Variants in SPECC1L observed in about 807,000 individuals in gnomAD.
SPECC1L encodes cytospin-A.
In SPECC1L, 40 loss-of-function variants were observed where a neutral mutation model predicts 116.8. That is an observed-to-expected ratio of 0.34 (90% CI 0.27 to 0.45). SPECC1L has a LOEUF of 0.45. Among genes scored for constraint, SPECC1L ranks in the 20% least tolerant of loss-of-function variants. SPECC1L has a pLI of 1.00. For synonymous variants in SPECC1L, 504 were observed against 500.6 expected (o/e 1.01, Z -0.09); for missense variants, 1,110 against 1,373.6 (o/e 0.81, Z 3.03).
chr22:24,322,845 T>C lies in SPECC1L; in HGVS notation c.1865T>C (p.Leu622Ser). The C allele has an allele frequency of 6.2e-7, 1 of 1,611,914 alleles. No homozygotes were observed. Among genetic ancestry groups the C allele is most frequent in the Non-Finnish European group, 8.5e-7 (1 of 1,179,150 alleles). Residue 622 changes from leucine to serine, a missense_variant, in exon 5 of 17, where the codon TTG becomes TCG. Around this residue, in one of 4 missense-constraint regions of SPECC1L, gnomAD observed 575 missense variants for 682.4 expected, o/e 0.84. Coordinates refer to ENST00000314328, the MANE Select transcript of SPECC1L (RefSeq NM_015330.6). ...CTGGACAAAGAAAAAGCAGAGACTT[T>C]GGCTAGTAGCTTGCAGGAAGATCTG... is the stretch of plus-strand genomic sequence containing the variant. ...VRLDKEKAET[L>S]ASSLQEDLAH...
intron 1 of SPECC1L, among the ~76,000 whole-genome samples, 176 bp downstream of exon 1, chr22:24,271,159 C>T (rs888797656): frequency 6.6e-6 from 1 of 152,260 alleles, no homozygotes; most frequent in Non-Finnish European, 1.5e-5. Context: ...TCCCTTCCCG[C>T]GCCGTCCTCG....
chr22:24,343,186 T>G (rs780763027), intron 10 of SPECC1L, among the ~76,000 whole-genome samples: 1 of 152,082 alleles, frequency 6.6e-6, no homozygotes, highest in Non-Finnish European at 1.5e-5. Flanking sequence ...ACAGGGAGAC[T>G]CCATCTTAAA....
chr22:24,314,615 C>T (rs373785181), intron 4 of SPECC1L, among the ~76,000 whole-genome samples: 1 of 152,190 alleles, frequency 6.6e-6, no homozygotes, highest in African/African-American at 2.4e-5. Context: ...TTTGTGGAAG[C>T]TGGTCATATG....
chr22:24,351,975 CG>C (rs1205262143), intron 11 of SPECC1L, among the ~76,000 whole-genome samples: 1 of 150,048 alleles, frequency 6.7e-6, no homozygotes, highest in Non-Finnish European at 1.5e-5. Flanking sequence ...GGGAATAGAG[CG>C]AGACTCTGTC....
At position 24,330,701 on chromosome 22, in the gene SPECC1L, C is replaced by T. The variant is rs541226928; in HGVS notation, c.2396+270C>T. ...CACATGATTCTCCTTTCCCCCAGAC[C>T]CACAGTCCAGCCCTGTTAATTTTCT... On this transcript the variant is annotated intron_variant, in intron 8 of 16. Coordinates refer to ENST00000314328, the MANE Select transcript of SPECC1L (RefSeq NM_015330.6). Among the ~76,000 whole-genome samples the T allele has an allele frequency of 3.8e-4, 58 of 152,284 alleles. No homozygotes were observed. In the South Asian group the frequency reaches 3.9e-3, roughly 10 times the overall value.
intron 1 of SPECC1L, among the ~76,000 whole-genome samples, chr22:24,273,638 A>G (rs952260387): frequency 1.3e-5 from 2 of 152,218 alleles, no homozygotes; most frequent in Non-Finnish European, 2.9e-5. Context: ...CTTAAGAGTA[A>G]ATATGAGTTT....
chr22:24,394,661 A>C (rs2042333817), intron 14 of SPECC1L, among the ~76,000 whole-genome samples: 1 of 152,204 alleles, frequency 6.6e-6, no homozygotes. Flanking sequence ...CCAGCAGTGA[A>C]GGAGAATTCT....
chr22:24,305,555 T>C (rs905975963), intron 3 of SPECC1L, among the ~76,000 whole-genome samples: 3 of 152,198 alleles, frequency 2.0e-5, no homozygotes, highest in Non-Finnish European at 4.4e-5. Flanking sequence ...TCATCTCTTC[T>C]GCTATTGGCA....
chr22:24,393,586 T>G (rs1479243043), intron 14 of SPECC1L, among the ~76,000 whole-genome samples: 2 of 152,198 alleles, frequency 1.3e-5, no homozygotes, highest in East Asian at 3.8e-4. Flanking sequence ...CTACATTCAG[T>G]TAAAAAGCTC....
intron 14 of SPECC1L, among the ~76,000 whole-genome samples, chr22:24,382,638 G>T (rs1273838405): frequency 6.9e-6 from 1 of 145,014 alleles, no homozygotes; most frequent in East Asian, 2.1e-4. Context: ...AGAGGCAGAG[G>T]TTGCAGTGAG....
intron 2 of SPECC1L, among the ~76,000 whole-genome samples, chr22:24,287,532 C>T (rs1043030100): frequency 6.6e-6 from 1 of 152,136 alleles, no homozygotes; most frequent in Non-Finnish European, 1.5e-5. Flanking sequence ...TTCTTCCAGT[C>T]GCCAAGAGGC....
chr22:24,296,844 T>G (rs2049274489), intron 2 of SPECC1L, among the ~76,000 whole-genome samples: 1 of 152,230 alleles, frequency 6.6e-6, no homozygotes, highest in Non-Finnish European at 1.5e-5. Flanking sequence ...GTGGGTGCTA[T>G]AGGCATTTAT....
chr22:24,306,818 C>G (rs140181239), intron 3 of SPECC1L, among the ~76,000 whole-genome samples: 2 of 152,206 alleles, frequency 1.3e-5, no homozygotes, highest in African/African-American at 2.4e-5. Flanking sequence ...ATTCCCTCTT[C>G]TCTCCAGCGC....
chr22:24,381,683 G>C (rs1367775354), intron 14 of SPECC1L, among the ~76,000 whole-genome samples: 1 of 152,160 alleles, frequency 6.6e-6, no homozygotes, highest in Non-Finnish European at 1.5e-5. Context: ...AGGAGATCGA[G>C]ACCATCCTGG....
At chr22:24,381,638 A>G (rs2042063729) in intron 14 of SPECC1L, among the ~76,000 whole-genome samples, 1 of 152,058 alleles carries the variant, frequency 6.6e-6, no homozygotes, top group African/African-American at 2.4e-5. Flanking sequence ...TAATCCCAGC[A>G]CTTTGGGAGG....
At chr22:24,392,779 T>C (rs889941484) in intron 14 of SPECC1L, among the ~76,000 whole-genome samples, 2 of 152,188 alleles carry the variant, frequency 1.3e-5, no homozygotes, top group Non-Finnish European at 2.9e-5. Context: ...ACAGTTTGGG[T>C]GGGGCTTAGT....
Position 24,334,437 on chromosome 22 carries a change from C to T in SPECC1L, c.2424C>T (p.Tyr808=). The change falls in exon 9 of 17, where the codon TAC becomes TAT. Residue 808 remains tyrosine (Y), a synonymous_variant. Transcript: ENST00000314328. ...RKQEEERGRV[Y]NYMNAVERDL... The stretch of plus-strand genomic sequence containing the variant: ...AAGAGGAGGAGCGAGGCCGGGTATA[C>T]AATTACATGAATGCCGTTGAGAGAG... 1 of 1,614,150 alleles carries T rather than the reference C, an allele frequency of 6.2e-7. No homozygotes were observed. The highest frequency in any genetic ancestry group is 8.5e-7 in the Non-Finnish European group (1 of 1,180,038).
intron 3 of SPECC1L, among the ~76,000 whole-genome samples, chr22:24,310,159 C>G (rs1169568781): frequency 6.6e-6 from 1 of 152,178 alleles, no homozygotes. Flanking sequence ...CTCTAGAAAT[C>G]TCTCTCCATA....
At chr22:24,387,001 C>CG in intron 14 of SPECC1L, among the ~76,000 whole-genome samples, 1 of 152,146 alleles carries the variant, frequency 6.6e-6, no homozygotes, top group South Asian at 2.1e-4. Flanking sequence ...ATTTAAAAAG[C>CG]TGATAACACC....
Sources: allele counts gnomAD v4.1 joint callset (sites outside exome capture counted in the v4.1 genomes callset), GRCh38; gene constraint gnomAD v4.1.1; regional missense constraint gnomAD v4.1.1; transcripts MANE v1.5; gene names NCBI Gene and HGNC (gene_info 2026-07-23, HGNC 2026-07-21).